The following INSR variants were observed in gnomAD, a reference collection of about 807,000 sequenced individuals.
The protein encoded by INSR is insulin receptor.
In INSR, 67 loss-of-function variants were observed where a neutral mutation model predicts 142.6. That is an observed-to-expected ratio of 0.47 (90% confidence interval 0.39 to 0.58). The LOEUF is 0.58. Among genes scored for constraint, INSR ranks in the 20% least tolerant of loss-of-function variants. The pLI is 0.00. For synonymous variants in INSR, 756 were observed against 743.1 expected (o/e 1.02, Z -0.28); for missense variants, 1,248 against 1,833.2 (o/e 0.68, Z 5.83).
chr19:7,184,666 AT>A (rs1974379054), intron 2 of INSR, 29 bp from the exon 3 acceptor site: 1 of 667,258 alleles, frequency 1.5e-6, no homozygotes, highest in Non-Finnish European at 2.0e-6. Context: ...AGAGAGGGAA[AT>A]AAATAAATAA....
At chr19:7,238,962 C>CAAAAAAAAAAAA (rs71177185) in intron 2 of INSR, among the ~76,000 whole-genome samples, 1 of 77,892 alleles carries the variant, frequency 1.3e-5, no homozygotes. Flanking sequence ...GATGAATTCT[C>CAAAAAAAAAAAA]AAAAAAAAAA....
In INSR at chr19:7,173,293, G is replaced by T. The variant is rs114696959; in HGVS notation, c.1124-859C>A. ...CATGTTCGCTAAAGAAATAAACAAA[G>T]GAATGCCTTTTTGCCTGACATGGTA... On this transcript the variant is annotated intron_variant, in intron 4 of 21. Coordinates refer to ENST00000302850, the MANE Select transcript of INSR (RefSeq NM_000208.4). Among the ~76,000 whole-genome samples the T allele has an allele frequency of 6.8e-3, 1,040 of 152,110 alleles. 9 individuals are homozygous for T. Among genetic ancestry groups the T allele is most frequent in the Middle Eastern group, 0.054 (16 of 294 alleles).
Position 7,141,694 on chromosome 19 carries a change from G to A in INSR, c.2665C>T (p.Arg889Trp), listed in dbSNP as rs76077021. Residue 889 changes from arginine (R) to tryptophan (W), a missense_variant, in exon 13 of 22, where the codon CGG becomes TGG. This residue lies in a region of INSR where 1,069 missense variants were observed against 1,654.0 expected (regional missense o/e 0.65). Coordinates refer to ENST00000302850, the MANE Select transcript of INSR (RefSeq NM_000208.4). Reference sequence around the variant, plus strand: ...GGCCTTACCTCATCACCATATCGCCGATAACTCACTTCATACAGCACGATC... The same window carrying A: ...GGCCTTACCTCATCACCATATCGCCAATAACTCACTTCATACAGCACGATC... The part of the protein sequence containing the change: ...GLIVLYEVSY[R>W]RYGDEELHLC... 3.0e-4 allele frequency: 477 copies of A among 1,614,050 alleles called. No homozygotes were observed. Among genetic ancestry groups the A allele is most frequent in the Non-Finnish European group, 3.8e-4 (450 of 1,180,006 alleles).
At chr19:7,141,613 A>T in intron 13 of INSR, 64 bp downstream of exon 13, 1 of 1,606,606 alleles carries the variant, frequency 6.2e-7, no homozygotes, top group Non-Finnish European at 8.5e-7. Context: ...AGGAGGTACC[A>T]AGTGCAACTC....
intron 2 of INSR, among the ~76,000 whole-genome samples, chr19:7,249,983 C>T (rs150197522): frequency 0.17 from 25,727 of 151,438 alleles, 2,629 homozygotes; most frequent in East Asian, 0.55. Flanking sequence ...CAGAGCCAGA[C>T]TCTGTCTCAA....
intron 2 of INSR, among the ~76,000 whole-genome samples, chr19:7,236,537 A>G (rs1449472637): frequency 1.3e-5 from 2 of 152,234 alleles, no homozygotes; most frequent in African/African-American, 4.8e-5. Context: ...AAAACCATGG[A>G]TGAATCTCAA....
In INSR at chr19:7,152,583, C is replaced by T. The variant is rs566111833; in HGVS notation, c.2231+143G>A. The T allele has an allele frequency of 3.0e-5, 23 of 777,082 alleles. No individual in the cohort carries two copies. In the African/African-American group the frequency reaches 3.4e-4, roughly 11 times the overall value. 48.1% of individuals were successfully genotyped at this position (777,082 alleles called of 1,614,324 possible). A position where few individuals can be genotyped will look rare whatever the true frequency, so the allele number is the denominator to read the frequency against. On this transcript the variant is annotated intron_variant, in intron 10 of 21. Transcript: ENST00000302850. ...TTCGAAACTGCAAGATCTCTTCCTCCACCCAGGAAAGGGCTCCATTCAGAC... is the reference window on the plus strand; with the variant it reads ...TTCGAAACTGCAAGATCTCTTCCTCTACCCAGGAAAGGGCTCCATTCAGAC...
chr19:7,191,943 AAG>A (rs1476059665), intron 2 of INSR, among the ~76,000 whole-genome samples: 68 of 140,330 alleles, frequency 4.8e-4, no homozygotes, highest in Middle Eastern at 3.6e-3. Flanking sequence ...GGAAGGAAGG[AAG>A]GAGAGAGATA....
intron 2 of INSR, among the ~76,000 whole-genome samples, chr19:7,213,494 CTTTA>C (rs948999091): frequency 1.3e-5 from 2 of 152,124 alleles, no homozygotes; most frequent in African/African-American, 4.8e-5. Flanking sequence ...CTTGCAGGTC[CTTTA>C]TTTATCAAGC....
At chr19:7,139,056 T>C (rs563097340) in intron 13 of INSR, among the ~76,000 whole-genome samples, 5 of 151,938 alleles carry the variant, frequency 3.3e-5, no homozygotes, top group African/African-American at 9.7e-5. Context: ...GCAAACAGAG[T>C]CCTAAGAAGT....
At chr19:7,249,349 C>A (rs897021241) in intron 2 of INSR, among the ~76,000 whole-genome samples, 1 of 152,100 alleles carries the variant, frequency 6.6e-6, no homozygotes. Flanking sequence ...AACCTTCATA[C>A]CTTTCTCGCT....
chr19:7,152,688 T>C (rs1325123938), intron 10 of INSR, 38 bp downstream of exon 10: 10 of 1,553,092 alleles, frequency 6.4e-6, no homozygotes, highest in Non-Finnish European at 8.9e-6. Flanking sequence ...ACCAAGCCAA[T>C]TGGCACCCAC....
At chr19:7,154,092 T>C (rs1259188864) in intron 9 of INSR, among the ~76,000 whole-genome samples, 1 of 151,234 alleles carries the variant, frequency 6.6e-6, no homozygotes, top group Non-Finnish European at 1.5e-5. Flanking sequence ...ACCTGGGAGG[T>C]GGAGGTTGCA....
At chr19:7,250,157 G>A (rs67574373) in intron 2 of INSR, among the ~76,000 whole-genome samples, 57,193 of 149,174 alleles carry the variant, frequency 0.38, 11,806 homozygotes, top group South Asian at 0.48. Context: ...AGACCCTGTC[G>A]AAAGAAAAGA....
At chr19:7,274,254 A>C (rs946130881) in intron 1 of INSR, among the ~76,000 whole-genome samples, 2 of 151,892 alleles carry the variant, frequency 1.3e-5, no homozygotes, top group Non-Finnish European at 2.9e-5. Context: ...ACAGGATTCG[A>C]GCTCCTATCA....
intron 2 of INSR, among the ~76,000 whole-genome samples, chr19:7,255,762 T>C (rs1459558443): frequency 6.6e-6 from 1 of 151,896 alleles, no homozygotes; most frequent in Non-Finnish European, 1.5e-5. Flanking sequence ...AAATTTTTTG[T>C]AGAGATGGGG....
chr19:7,153,384 G>GCCACA (rs1973490726), intron 9 of INSR, among the ~76,000 whole-genome samples: 1 of 1,712 alleles, frequency 5.8e-4, no homozygotes, highest in African/African-American at 1.6e-3. Flanking sequence ...CACCATACAC[G>GCCACA]CACCACACAC....
rs1323284875 is a variant in INSR, at chr19:7,192,331, C to G, written c.653-7694G>C. On this transcript the variant is annotated intron_variant, in intron 2 of 21. Coordinates refer to ENST00000302850, the MANE Select transcript of INSR (RefSeq NM_000208.4). This position sits in a 1 kb window ranked among gnomAD's most constrained non-coding sequence, Gnocchi z 4.2. ...AGAAAAAAATCACAGGCAGCCCAGG[C>G]TGGGGAAAGGGCATGACACAGATGA... is the stretch of plus-strand genomic sequence containing the variant. Among the ~76,000 whole-genome samples the G allele has an allele frequency of 6.6e-6, 1 of 151,690 alleles. No homozygotes were observed. The highest frequency in any genetic ancestry group is 2.4e-5 in the African/African-American group (1 of 41,240).
At chr19:7,223,687 C>A (rs1323357015) in intron 2 of INSR, among the ~76,000 whole-genome samples, 3 of 152,200 alleles carry the variant, frequency 2.0e-5, no homozygotes, top group Non-Finnish European at 2.9e-5. Flanking sequence ...CTCTGTAAGG[C>A]AGAGTATAGC....
Sources: gnomAD v4.1 joint callset for allele counts (sites outside exome capture counted in the v4.1 genomes callset) on GRCh38, gnomAD v4.1.1 for gene constraint, gnomAD v4.1.1 regional missense constraint, Gnocchi (gnomAD v3.1) non-coding constraint, MANE v1.5 for transcripts, NCBI Gene and HGNC (gene_info 2026-07-23, HGNC 2026-07-21) for gene names.